RGL1: variants seen among roughly 807,000 people sequenced by gnomAD.
The protein encoded by RGL1 is ral guanine nucleotide dissociation stimulator like 1.
In RGL1, 24 loss-of-function variants were observed where a neutral mutation model predicts 95.2. The ratio of observed to expected loss-of-function variants is 0.25; its 90% CI spans 0.18 to 0.35. The LOEUF (loss-of-function observed/expected upper bound fraction) is 0.35, where lower values mean the gene tolerates loss of function less well. Among genes scored for constraint, RGL1 ranks in the 10% least tolerant of loss-of-function variants. The pLI is 1.00. For missense variants in RGL1, 715 were observed against 936.3 expected (o/e 0.76, Z 3.08); for synonymous variants, 329 against 344.9 (o/e 0.95, Z 0.51).
chr1:183,914,582 T>G (rs935490663), intron 15 of RGL1, among the ~76,000 whole-genome samples: 1 of 152,170 alleles, frequency 6.6e-6, no homozygotes, highest in African/African-American at 2.4e-5. Flanking sequence ...TCATTCTTCC[T>G]TTTCCACAGG....
intron 1 of RGL1, among the ~76,000 whole-genome samples, chr1:183,735,327 C>T (rs539959130): frequency 5.3e-5 from 8 of 152,124 alleles, no homozygotes; most frequent in African/African-American, 1.7e-4. Flanking sequence ...AAATGGTTGC[C>T]CAATGATTGA....
chr1:183,880,258 A>C (rs1306640575), intron 4 of RGL1, among the ~76,000 whole-genome samples: 1 of 152,188 alleles, frequency 6.6e-6, no homozygotes, highest in African/African-American at 2.4e-5. Context: ...TAATTTGAGC[A>C]TAATCTTATT....
intron 2 of RGL1, among the ~76,000 whole-genome samples, chr1:183,782,198 C>T (rs1659938019): frequency 6.6e-6 from 1 of 152,204 alleles, no homozygotes; most frequent in Non-Finnish European, 1.5e-5. Context: ...GATACCAGGG[C>T]TCCAATTCCA....
At chr1:183,763,576 C>A (rs981150180) in intron 2 of RGL1, among the ~76,000 whole-genome samples, 9 of 152,064 alleles carry the variant, frequency 5.9e-5, no homozygotes. Flanking sequence ...ATAGTGAGAA[C>A]CTAACAAGTA....
intron 2 of RGL1, among the ~76,000 whole-genome samples, chr1:183,789,324 C>T (rs1660332834): frequency 1.3e-5 from 2 of 152,158 alleles, no homozygotes; most frequent in African/African-American, 4.8e-5. Flanking sequence ...GTGGCAGGTG[C>T]CTGTAATCCC....
At chr1:183,786,691 T>C (rs1660196663) in intron 2 of RGL1, among the ~76,000 whole-genome samples, 1 of 152,174 alleles carries the variant, frequency 6.6e-6, no homozygotes, top group African/African-American at 2.4e-5. Context: ...ATATTAAAAA[T>C]AGCAATGATG....
At chr1:183,642,516 T>C (rs1649994686) in intron 1 of RGL1, among the ~76,000 whole-genome samples, 1 of 152,214 alleles carries the variant, frequency 6.6e-6, no homozygotes, top group Non-Finnish European at 1.5e-5. Context: ...TAAAAATTAG[T>C]ATATAACCAA....
chr1:183,846,683 C>A (rs575105353), intron 2 of RGL1, among the ~76,000 whole-genome samples: 234 of 152,134 alleles, frequency 1.5e-3, no homozygotes, highest in African/African-American at 5.6e-3. Context: ...AGTTCAAGAC[C>A]AGCCTGGCCA....
chr1:183,864,267 A>T (rs1452940696), intron 3 of RGL1, among the ~76,000 whole-genome samples: 1 of 152,222 alleles, frequency 6.6e-6, no homozygotes, highest in Non-Finnish European at 1.5e-5. Context: ...AAAAGATGTG[A>T]TATTTCCACA....
At chr1:183,828,292 G>C (rs1022336893) in intron 2 of RGL1, among the ~76,000 whole-genome samples, 1 of 152,122 alleles carries the variant, frequency 6.6e-6, no homozygotes, top group Non-Finnish European at 1.5e-5. Context: ...CAGTAACATG[G>C]AACAGCCATG....
At chr1:183,781,287 T>C (rs1659889334) in intron 2 of RGL1, among the ~76,000 whole-genome samples, 1 of 152,224 alleles carries the variant, frequency 6.6e-6, no homozygotes, top group Admixed American at 6.5e-5. Flanking sequence ...CAATTTCTTC[T>C]ATGTAGACTG....
chr1:183,771,292 G>T (rs1262449681), intron 2 of RGL1, among the ~76,000 whole-genome samples: 1 of 148,116 alleles, frequency 6.8e-6, no homozygotes, highest in African/African-American at 2.5e-5. Context: ...GTGGAATTTA[G>T]TAAACAAAGA....
At chr1:183,806,570 C>CTTT in intron 2 of RGL1, 85 bp downstream of exon 2, 3 of 739,242 alleles carry the variant, frequency 4.1e-6, no homozygotes, top group Non-Finnish European at 4.2e-6. Flanking sequence ...CAGAGGCAGG[C>CTTT]TTTTTTTTTT....
intron 4 of RGL1, among the ~76,000 whole-genome samples, chr1:183,875,035 ATCT>A (rs1190699439): frequency 6.6e-6 from 1 of 152,200 alleles, no homozygotes. Flanking sequence ...GTCTGCGTAA[ATCT>A]TCTTACCTTT....
intron 2 of RGL1, among the ~76,000 whole-genome samples, chr1:183,797,002 T>G (rs1660732057): frequency 6.6e-6 from 1 of 152,186 alleles, no homozygotes; most frequent in South Asian, 2.1e-4. Flanking sequence ...TCCAACTTCC[T>G]CCTTAGGAGA....
chr1:183,744,381 C>G (rs1192619541), intron 2 of RGL1, among the ~76,000 whole-genome samples: 2 of 151,452 alleles, frequency 1.3e-5, no homozygotes, highest in Admixed American at 6.6e-5. Flanking sequence ...TCTTACCTAA[C>G]AGGTCCAAGA....
chr1:183,687,308 AG>A (rs1463997528), intron 1 of RGL1, among the ~76,000 whole-genome samples: 1 of 152,206 alleles, frequency 6.6e-6, no homozygotes, highest in African/African-American at 2.4e-5. Flanking sequence ...GCTGGCAGGT[AG>A]GTTTCGTGTT....
intron 1 of RGL1, among the ~76,000 whole-genome samples, chr1:183,706,685 C>T (rs531544669): frequency 1.5e-5 from 2 of 135,372 alleles, no homozygotes; most frequent in Non-Finnish European, 3.1e-5. Context: ...AGGTGGATTG[C>T]TAGGAGGCTT....
intron 2 of RGL1, among the ~76,000 whole-genome samples, chr1:183,834,961 G>T (rs1305605732): frequency 1.3e-5 from 2 of 152,156 alleles, no homozygotes; most frequent in Non-Finnish European, 2.9e-5. Flanking sequence ...GGGATTATAT[G>T]CATCAGCCAC....
Sources: allele counts gnomAD v4.1 joint callset (sites outside exome capture counted in the v4.1 genomes callset), GRCh38; gene constraint gnomAD v4.1.1; transcripts MANE v1.5; gene names NCBI Gene and HGNC (gene_info 2026-07-23, HGNC 2026-07-21).